Variants in FCHSD2 observed in about 807,000 individuals in gnomAD.
FCHSD2 encodes the protein F-BAR and double SH3 domains protein 2.
In FCHSD2, 38 loss-of-function variants were observed where a neutral mutation model predicts 108.1. The observed-to-expected ratio is 0.35, with a 90% confidence interval of 0.27 to 0.46. The LOEUF (loss-of-function observed/expected upper bound fraction) is 0.46, where lower values mean the gene tolerates loss of function less well. Among genes scored for constraint, FCHSD2 ranks in the 20% least tolerant of loss-of-function variants. FCHSD2 has a pLI of 1.00. For synonymous variants in FCHSD2, 279 were observed against 314.7 expected (o/e 0.89, Z 1.20); for missense variants, 751 against 897.8 (o/e 0.84, Z 2.09).
intron 4 of FCHSD2, among the ~76,000 whole-genome samples, chr11:73,010,176 A>G (rs1431850843): frequency 6.6e-6 from 1 of 152,104 alleles, no homozygotes; most frequent in Non-Finnish European, 1.5e-5. Context: ...TGCTTGATCT[A>G]GTCTATTGTT....
chr11:72,858,938 G>C (rs1266197646), intron 13 of FCHSD2, among the ~76,000 whole-genome samples: 13 of 152,196 alleles, frequency 8.5e-5, no homozygotes, highest in Non-Finnish European at 1.9e-4. Flanking sequence ...ATGAAGGACA[G>C]TGATCCCTGG....
At chr11:72,934,865 A>C (rs1488870739) in intron 8 of FCHSD2, among the ~76,000 whole-genome samples, 1 of 152,188 alleles carries the variant, frequency 6.6e-6, no homozygotes, top group Non-Finnish European at 1.5e-5. Flanking sequence ...AGTAATTGAG[A>C]AACTGAGAAA....
intron 8 of FCHSD2, among the ~76,000 whole-genome samples, chr11:72,982,610 A>C (rs1857233992): frequency 6.6e-6 from 1 of 152,176 alleles, no homozygotes; most frequent in Non-Finnish European, 1.5e-5. Context: ...TCTTCTCTTT[A>C]TTTCAGTGAA....
chr11:73,140,200 A>G (rs1861214385), intron 1 of FCHSD2, 72 bp from the exon 2 acceptor site: 4 of 748,610 alleles, frequency 5.3e-6, no homozygotes, highest in Admixed American at 2.7e-5. Context: ...AGGAAAATAC[A>G]TCTGTCAGAA....
intron 12 of FCHSD2, among the ~76,000 whole-genome samples, chr11:72,881,137 AC>A (rs1434964266): frequency 6.6e-6 from 1 of 152,218 alleles, no homozygotes; most frequent in Non-Finnish European, 1.5e-5. Context: ...GCAACAAGGG[AC>A]TAATATACGG....
intron 3 of FCHSD2, among the ~76,000 whole-genome samples, chr11:73,065,997 A>G (rs947661637): frequency 2.6e-5 from 4 of 152,206 alleles, no homozygotes; most frequent in Non-Finnish European, 4.4e-5. Flanking sequence ...GAATTGGAAA[A>G]AAACTACTTT....
At chr11:72,878,137 G>C (rs1855007665) in intron 12 of FCHSD2, among the ~76,000 whole-genome samples, 1 of 151,794 alleles carries the variant, frequency 6.6e-6, no homozygotes, top group Admixed American at 6.6e-5. Flanking sequence ...CCTCTGGCTG[G>C]GCATAGTGGC....
chr11:73,049,046 T>C (rs980089603), intron 3 of FCHSD2, among the ~76,000 whole-genome samples: 11 of 152,088 alleles, frequency 7.2e-5, no homozygotes, highest in Non-Finnish European at 1.3e-4. Flanking sequence ...CCTAATACAA[T>C]AGAATCTCAA....
At chr11:72,980,088 C>T (rs1857183889) in intron 8 of FCHSD2, among the ~76,000 whole-genome samples, 1 of 152,140 alleles carries the variant, frequency 6.6e-6, no homozygotes, top group Non-Finnish European at 1.5e-5. Flanking sequence ...GAAGAGTCTT[C>T]AACACAGATG....
intron 13 of FCHSD2, among the ~76,000 whole-genome samples, chr11:72,852,659 C>T (rs1270231635): frequency 6.7e-6 from 1 of 149,660 alleles, no homozygotes; most frequent in Admixed American, 6.7e-5. Context: ...GCAAGATTGT[C>T]TTAAAAAAAA....
At chr11:72,895,221 A>G (rs372521605) in intron 10 of FCHSD2, among the ~76,000 whole-genome samples, 16 of 152,176 alleles carry the variant, frequency 1.1e-4, no homozygotes, top group African/African-American at 3.6e-4. Context: ...CCTTGGGACA[A>G]TTCTGGAAAA....
chr11:72,963,940 A>G (rs994365203), intron 8 of FCHSD2, among the ~76,000 whole-genome samples: 53 of 152,328 alleles, frequency 3.5e-4, no homozygotes, highest in Admixed American at 1.2e-3. Flanking sequence ...TCACAGTTGA[A>G]TAACAATGGC....
chr11:72,983,289 GTC>G (rs1373505675), intron 8 of FCHSD2, among the ~76,000 whole-genome samples: 1 of 146,380 alleles, frequency 6.8e-6, no homozygotes, highest in Non-Finnish European at 1.5e-5. Context: ...GCGAGACTCC[GTC>G]TCAAAAAAAA....
intron 2 of FCHSD2, among the ~76,000 whole-genome samples, chr11:73,098,361 C>T (rs544402062): frequency 6.6e-6 from 1 of 151,956 alleles, no homozygotes; most frequent in Non-Finnish European, 1.5e-5. Flanking sequence ...TTTTCTGTCC[C>T]CTTCTATTAA....
chr11:73,034,031 C>CT (rs1565377741), intron 3 of FCHSD2, among the ~76,000 whole-genome samples: 1 of 151,928 alleles, frequency 6.6e-6, no homozygotes. Context: ...AATATATCAT[C>CT]TTTTTTTAAG....
At chr11:72,930,442 T>C (rs369289700) in intron 8 of FCHSD2, among the ~76,000 whole-genome samples, 8 of 152,362 alleles carry the variant, frequency 5.3e-5, no homozygotes, top group African/African-American at 1.9e-4. Context: ...TTCATCTCTA[T>C]ATTTTCTTTG....
intron 2 of FCHSD2, among the ~76,000 whole-genome samples, chr11:73,124,953 T>C (rs1268928304): frequency 6.6e-6 from 1 of 152,224 alleles, no homozygotes; most frequent in Non-Finnish European, 1.5e-5. Context: ...TGAACAAGTC[T>C]ATAAGTAAGA....
intron 3 of FCHSD2, among the ~76,000 whole-genome samples, chr11:73,039,088 T>C (rs895072132): frequency 2.0e-5 from 3 of 152,230 alleles, no homozygotes; most frequent in African/African-American, 7.2e-5. Flanking sequence ...CACTGTTTAT[T>C]TTTATCTGCA....
intron 8 of FCHSD2, among the ~76,000 whole-genome samples, chr11:72,956,897 G>T (rs1856721698): frequency 2.0e-5 from 3 of 151,496 alleles, no homozygotes; most frequent in Admixed American, 6.6e-5. Context: ...CCAGGGGTGA[G>T]ACAGTTTGAC....
Sources: allele counts gnomAD v4.1 joint callset (sites outside exome capture counted in the v4.1 genomes callset), GRCh38; gene constraint gnomAD v4.1.1; transcripts MANE v1.5; gene names NCBI Gene and HGNC (gene_info 2026-07-23, HGNC 2026-07-21).